Variants in KCNK2 observed in about 807,000 individuals in gnomAD.
KCNK2 encodes potassium channel subfamily K member 2.
KCNK2 carries 21 observed loss-of-function variants against 40.5 expected under a neutral mutation model. The observed-to-expected ratio is 0.52, with a 90% CI of 0.37 to 0.75. The LOEUF (loss-of-function observed/expected upper bound fraction) is 0.75, where lower values mean the gene tolerates loss of function less well. Ranked by LOEUF, KCNK2 falls within the 30% of genes least tolerant of loss-of-function variation. The pLI, the probability that KCNK2 is intolerant of heterozygous loss-of-function variation, is 0.00. For missense variants in KCNK2, 399 were observed against 531.6 expected, an observed-to-expected ratio of 0.75 and a Z score of 2.45; for synonymous variants, 191 against 202.2, an observed-to-expected ratio of 0.94 and a Z score of 0.47.
rs538706356 is a variant in KCNK2 at position 215,137,252 on chromosome 1, A to C, written c.475+12502A>C. Among the ~76,000 whole-genome samples, 8 of 152,352 alleles carry C rather than the reference A, an allele frequency of 5.3e-5. No individual in the cohort carries two copies. The East Asian group carries it at 1.5e-3, about 29-fold the overall frequency. Reference sequence around the variant, plus strand: ...CAATATCACGATGATAAAAACATTCAAACTATTTAGGAAAATAAGTTAAAA... The same window carrying C: ...CAATATCACGATGATAAAAACATTCCAACTATTTAGGAAAATAAGTTAAAA... On this transcript the variant is annotated intron_variant, in intron 3 of 6. Coordinates refer to ENST00000444842, the MANE Select transcript of KCNK2 (RefSeq NM_001017425.3).
chr1:215,029,843 A>C (rs1425759367), intron 1 of KCNK2, among the ~76,000 whole-genome samples: 2 of 152,070 alleles, frequency 1.3e-5, no homozygotes, highest in Non-Finnish European at 2.9e-5. Flanking sequence ...TGTTGCTTGC[A>C]AGTTTTGACA....
intron 4 of KCNK2, among the ~76,000 whole-genome samples, chr1:215,170,918 T>C (rs978707248): frequency 2.6e-5 from 4 of 152,130 alleles, no homozygotes; most frequent in Non-Finnish European, 5.9e-5. Context: ...GTGATGACAT[T>C]CCAGTAATCA....
At chr1:215,101,661 A>G (rs976062603) in intron 2 of KCNK2, among the ~76,000 whole-genome samples, 22 of 152,018 alleles carry the variant, frequency 1.4e-4, no homozygotes, top group African/African-American at 5.3e-4. Flanking sequence ...CTAGGCAAAT[A>G]CAGTCTCATG....
chr1:215,146,832 C>G lies in KCNK2; in HGVS notation c.475+22082C>G, dbSNP rs1381576921. Among the ~76,000 whole-genome samples, 8 of 152,272 alleles carry G rather than the reference C, an allele frequency of 5.3e-5. No individual in the cohort carries two copies. The South Asian group carries it at 1.7e-3, about 32-fold the overall frequency. The stretch of plus-strand genomic sequence containing the variant: ...TCACTTCAGTAAATCTCACTTTCCA[C>G]ATTCAGAGAGTGGGGATAACTAGTT... On this transcript the variant is annotated intron_variant, in intron 3 of 6. Coordinates refer to ENST00000444842, the MANE Select transcript of KCNK2 (RefSeq NM_001017425.3).
chr1:215,200,340 G>C (rs908145741), intron 6 of KCNK2, among the ~76,000 whole-genome samples: 1 of 152,098 alleles, frequency 6.6e-6, no homozygotes, highest in African/African-American at 2.4e-5. Flanking sequence ...TTTCACTCTG[G>C]GTGGCAATGA....
At chr1:215,066,424 A>G (rs1433644244) in intron 1 of KCNK2, among the ~76,000 whole-genome samples, 1 of 152,194 alleles carries the variant, frequency 6.6e-6, no homozygotes, top group Non-Finnish European at 1.5e-5. Context: ...CAAAATCAAT[A>G]TGGATACTGA....
intron 2 of KCNK2, among the ~76,000 whole-genome samples, chr1:215,122,265 A>T (rs1049321503): frequency 2.0e-5 from 3 of 152,168 alleles, no homozygotes; most frequent in African/African-American, 7.2e-5. Flanking sequence ...AACATTTAAC[A>T]TATGTGAAGT....
chr1:215,187,343 G>A (rs1175488422), intron 5 of KCNK2, among the ~76,000 whole-genome samples: 1 of 152,128 alleles, frequency 6.6e-6, no homozygotes, highest in Non-Finnish European at 1.5e-5. Context: ...TCTACGTTCT[G>A]TTTCCTAACT....
At chr1:215,026,661 G>A (rs963309176) in intron 1 of KCNK2, among the ~76,000 whole-genome samples, 2 of 151,694 alleles carry the variant, frequency 1.3e-5, no homozygotes, top group Non-Finnish European at 2.9e-5. Flanking sequence ...TATCTTTATG[G>A]TATATCTGGA....
intron 6 of KCNK2, among the ~76,000 whole-genome samples, chr1:215,204,984 A>C (rs553991145): frequency 4.5e-4 from 69 of 152,302 alleles, no homozygotes; most frequent in Admixed American, 4.3e-3. Flanking sequence ...AACGACTCAC[A>C]TGCATGTGTA....
intron 1 of KCNK2, among the ~76,000 whole-genome samples, chr1:215,029,603 T>G (rs1571857566): frequency 6.8e-6 from 1 of 147,076 alleles, no homozygotes. Flanking sequence ...ATATATTTAA[T>G]ATATTAATAT....
Position 215,093,326 on chromosome 1 carries a change from T to C in KCNK2, c.357+6648T>C, listed in dbSNP as rs1299924889. Reference sequence around the variant, plus strand: ...CATTTAAAAGAAACATGAATATATATACATATATTAAATATACATATATAT... The same window carrying C: ...CATTTAAAAGAAACATGAATATATACACATATATTAAATATACATATATAT... On this transcript the variant is annotated intron_variant, in intron 2 of 6. Coordinates refer to ENST00000444842, the MANE Select transcript of KCNK2 (RefSeq NM_001017425.3). Among the ~76,000 whole-genome samples, 5 of 143,498 alleles carry C rather than the reference T, an allele frequency of 3.5e-5. No individual in the cohort carries two copies. The East Asian group carries it at 9.9e-4, about 28-fold the overall frequency. 94.1% of individuals were successfully genotyped at this position (143,498 alleles called of 152,430 possible). A position where few individuals can be genotyped will look rare whatever the true frequency, so the allele number is the denominator to read the frequency against.
intron 5 of KCNK2, among the ~76,000 whole-genome samples, chr1:215,190,014 T>G (rs1664601413): frequency 6.6e-6 from 1 of 152,200 alleles, no homozygotes; most frequent in Admixed American, 6.5e-5. Flanking sequence ...CTGTAACAGA[T>G]ATGCCATTTT....
At chr1:215,067,468 AT>A (rs1658595244) in intron 1 of KCNK2, among the ~76,000 whole-genome samples, 1 of 152,164 alleles carries the variant, frequency 6.6e-6, no homozygotes, top group African/African-American at 2.4e-5. Context: ...AATACTCCCA[AT>A]AATATGTGAT....
At chr1:215,151,626 A>G (rs1296312855) in intron 3 of KCNK2, among the ~76,000 whole-genome samples, 1 of 152,058 alleles carries the variant, frequency 6.6e-6, no homozygotes, top group Non-Finnish European at 1.5e-5. Flanking sequence ...CATAGATTTG[A>G]TAAAAATTGA....
chr1:215,100,219 T>C (rs777170460), intron 2 of KCNK2, among the ~76,000 whole-genome samples: 9 of 151,920 alleles, frequency 5.9e-5, no homozygotes, highest in Non-Finnish European at 1.3e-4. Context: ...CATGGGTCTA[T>C]GGTGTTGTGT....
intron 2 of KCNK2, among the ~76,000 whole-genome samples, chr1:215,104,067 TAAGA>T (rs1237409795): frequency 1.1e-4 from 17 of 152,080 alleles, no homozygotes; most frequent in Non-Finnish European, 4.4e-5. Flanking sequence ...CAGGCAATTG[TAAGA>T]AAGAATCTTT....
At chr1:215,125,470 C>T (rs1348748829) in intron 3 of KCNK2, among the ~76,000 whole-genome samples, 1 of 151,918 alleles carries the variant, frequency 6.6e-6, no homozygotes, top group African/African-American at 2.4e-5. Flanking sequence ...GCTAGTTTGT[C>T]ATTCAGTGCC....
intron 3 of KCNK2, among the ~76,000 whole-genome samples, chr1:215,146,838 G>A (rs1156320776): frequency 6.6e-6 from 1 of 152,164 alleles, no homozygotes; most frequent in Non-Finnish European, 1.5e-5. Context: ...TCCACATTCA[G>A]AGAGTGGGGA....
Sources: allele counts gnomAD v4.1 joint callset (sites outside exome capture counted in the v4.1 genomes callset), GRCh38; gene constraint gnomAD v4.1.1; transcripts MANE v1.5; gene names NCBI Gene and HGNC (gene_info 2026-07-23, HGNC 2026-07-21).